Variants in BARHL1 observed in about 807,000 individuals in gnomAD.
BARHL1 encodes BarH like homeobox 1, also known as barH-like 1 homeobox protein.
In BARHL1, 2 loss-of-function variants were observed where a neutral mutation model predicts 20.1. That is an observed-to-expected ratio of 0.10 (90% CI 0.04 to 0.31). The LOEUF (loss-of-function observed/expected upper bound fraction) is 0.31, where lower values mean the gene tolerates loss of function less well. BARHL1 is among the 10% of genes least tolerant of loss of function. The pLI is 1.00. For missense variants in BARHL1, 397 were observed against 454.0 expected, an observed-to-expected ratio of 0.87 and a Z score of 1.14; for synonymous variants, 213 against 209.9, an observed-to-expected ratio of 1.01 and a Z score of -0.13.
At chr9:132,583,469 C>T (rs1830097954) in intron 1 of BARHL1, among the ~76,000 whole-genome samples, 1 of 152,170 alleles carries the variant, frequency 6.6e-6, no homozygotes, top group Non-Finnish European at 1.5e-5. Context: ...ACAGTGTGGG[C>T]AGGGGAGGGA....
In BARHL1 at chr9:132,587,190, T is replaced by C; in HGVS notation, c.467-139T>C. Reference sequence around the variant, plus strand: ...TTCCCGGGGCCCCAGAGGTCCCGTCTGAGAGCGGCCCCCGCGAGCTTGGGT... The same window carrying C: ...TTCCCGGGGCCCCAGAGGTCCCGTCCGAGAGCGGCCCCCGCGAGCTTGGGT... On this transcript the variant is annotated intron_variant, in intron 1 of 2. Transcript: ENST00000263610. The surrounding 1 kb of genome is among the most constrained non-coding windows in gnomAD (Gnocchi z 5.5). 1.2e-6 allele frequency: 1 copy of C among 844,998 alleles called. No individual in the cohort carries two copies. Among genetic ancestry groups the C allele is most frequent in the Non-Finnish European group, 1.8e-6 (1 of 545,106 alleles). 52.3% of individuals were successfully genotyped at this position (844,998 alleles called of 1,614,324 possible).
chr9:132,582,723 T>TAGGGGA lies in BARHL1; in HGVS notation c.-70_-69insAAGGGG. The TAGGGGA allele has an allele frequency of 7.5e-7, 1 of 1,337,386 alleles. No homozygotes were observed. Among genetic ancestry groups the TAGGGGA allele is most frequent in the Non-Finnish European group, 1.0e-6 (1 of 982,478 alleles). 82.8% of individuals were successfully genotyped at this position (1,337,386 alleles called of 1,614,324 possible). A position where few individuals can be genotyped will look rare whatever the true frequency, so the allele number is the denominator to read the frequency against. ...CGCCTTCCCCATGCCAGCCCGCAGCTAGGGGCAGGGGCAGCGGCGGCTGGG... is the reference window on the plus strand; with the variant it reads ...CGCCTTCCCCATGCCAGCCCGCAGCTAGGGGAAGGGGCAGGGGCAGCGGCGGCTGGG... On this transcript the variant is annotated 5_prime_UTR_variant, in exon 1 of 3. Coordinates refer to ENST00000263610, the MANE Select transcript of BARHL1 (RefSeq NM_020064.4).
At chr9:132,584,509 T>C (rs525193) in intron 1 of BARHL1, among the ~76,000 whole-genome samples, 113,115 of 145,394 alleles carry the variant, frequency 0.78, 44,226 homozygotes, top group East Asian at 0.91. Context: ...AGCGCCATAC[T>C]TCCTGGTCCC....
At chr9:132,588,335 G>A (rs1278955744) in intron 2 of BARHL1, among the ~76,000 whole-genome samples, 1 of 152,074 alleles carries the variant, frequency 6.6e-6, no homozygotes, top group Non-Finnish European at 1.5e-5. Context: ...AGGCAGGAAT[G>A]GTGCTTTTCA....
At chr9:132,588,752 G>A (rs1368874646) in intron 2 of BARHL1, among the ~76,000 whole-genome samples, 2 of 152,074 alleles carry the variant, frequency 1.3e-5, no homozygotes, top group African/African-American at 2.4e-5. Flanking sequence ...CTTGCAGCCC[G>A]GCCAGCCTGC....
chr9:132,584,219 CCA>C (rs1182742119), intron 1 of BARHL1, among the ~76,000 whole-genome samples: 3 of 152,074 alleles, frequency 2.0e-5, no homozygotes, highest in South Asian at 4.2e-4. Flanking sequence ...TTTCTGACCC[CCA>C]GTCACTACCT....
chr9:132,583,947 A>G (rs1000948764), intron 1 of BARHL1, among the ~76,000 whole-genome samples: 5 of 151,916 alleles, frequency 3.3e-5, no homozygotes, highest in Non-Finnish European at 4.4e-5. Flanking sequence ...TGAGCAACCA[A>G]CTCCGGGTTT....
chr9:132,584,012 G>A (rs1759026607), intron 1 of BARHL1, among the ~76,000 whole-genome samples: 1 of 152,270 alleles, frequency 6.6e-6, no homozygotes, highest in Admixed American at 6.5e-5. Context: ...CTACACTGGG[G>A]TTGTTGCCCC....
At chr9:132,589,205 T>C (rs1830179714) in intron 2 of BARHL1, 23 bp from the exon 3 acceptor site, 1 of 1,597,192 alleles carries the variant, frequency 6.3e-7, no homozygotes, top group Non-Finnish European at 8.5e-7. Flanking sequence ...GATCCCGCCA[T>C]ACGCGTTTAT....
chr9:132,586,003 C>T (rs1038831820), intron 1 of BARHL1, among the ~76,000 whole-genome samples: 2 of 152,236 alleles, frequency 1.3e-5, no homozygotes, highest in African/African-American at 4.8e-5. Context: ...CTTCTCCATG[C>T]CCAAATATGG....
chr9:132,583,361 G>T (rs1830096366), intron 1 of BARHL1, 98 bp downstream of exon 1: 2 of 1,121,296 alleles, frequency 1.8e-6, no homozygotes, highest in East Asian at 5.2e-5. Context: ...TCGCTCACCT[G>T]GGGGCTCCCC....
At position 132,587,842 on chromosome 9, in the gene BARHL1, G is replaced by C. The variant is rs903289039; in HGVS notation, c.689+291G>C. Among the ~76,000 whole-genome samples the C allele has an allele frequency of 2.0e-5, 3 of 152,192 alleles. No homozygotes were observed. The highest frequency in any genetic ancestry group is 4.4e-5 in the Non-Finnish European group (3 of 68,040). On this transcript the variant is annotated intron_variant, in intron 2 of 2. Transcript: ENST00000263610. The surrounding 1 kb of genome is among the most constrained non-coding windows in gnomAD (Gnocchi z 5.5). Reference sequence around the variant, plus strand: ...ATCCAAGTCCTGCCCCAGCTCAGCCGGAGTGGGGGGAGGTCTGCCTGGAGC... The same window carrying C: ...ATCCAAGTCCTGCCCCAGCTCAGCCCGAGTGGGGGGAGGTCTGCCTGGAGC...
intron 1 of BARHL1, among the ~76,000 whole-genome samples, chr9:132,585,980 T>G (rs1405368117): frequency 6.6e-6 from 1 of 152,252 alleles, no homozygotes; most frequent in Non-Finnish European, 1.5e-5. Flanking sequence ...GTCCCCCTAT[T>G]CCAACACATA....
At chr9:132,586,445 GA>G (rs1399855874) in intron 1 of BARHL1, among the ~76,000 whole-genome samples, 1 of 152,242 alleles carries the variant, frequency 6.6e-6, no homozygotes, top group African/African-American at 2.4e-5. Flanking sequence ...AAAGCCGAAC[GA>G]AAGTGTCTGG....
chr9:132,584,692 C>T (rs1830119593), intron 1 of BARHL1, among the ~76,000 whole-genome samples: 1 of 152,206 alleles, frequency 6.6e-6, no homozygotes, highest in Admixed American at 6.5e-5. Context: ...TTCAGCCAGG[C>T]TGTGCCGACC....
chr9:132,588,177 A>T (rs575663898), intron 2 of BARHL1, among the ~76,000 whole-genome samples: 10 of 152,160 alleles, frequency 6.6e-5, no homozygotes, highest in African/African-American at 2.4e-4. Context: ...TCCCGAACAC[A>T]CTCACCAGAC....
chr9:132,587,568 G>T lies in BARHL1; in HGVS notation c.689+17G>T. On this transcript the variant is annotated intron_variant, in intron 2 of 2. Transcript: ENST00000263610. The surrounding 1 kb of genome is among the most constrained non-coding windows in gnomAD (Gnocchi z 5.5). ...GAACCGCAGGTGAGGCCTGGCTGCG[G>T]GGGTAGAGGCAGAAAGGGAACTTCC... 1 of 1,594,690 alleles carries T rather than the reference G, an allele frequency of 6.3e-7. No individual in the cohort carries two copies. The highest frequency in any genetic ancestry group is 1.7e-5 in the Admixed American group (1 of 57,634).
intron 1 of BARHL1, among the ~76,000 whole-genome samples, chr9:132,586,130 C>T (rs556148760): frequency 6.6e-6 from 1 of 152,346 alleles, no homozygotes; most frequent in South Asian, 2.1e-4. Context: ...ATGCCAGGCC[C>T]TCCTTGCAGC....
chr9:132,583,022 C>A lies in BARHL1; in HGVS notation c.225C>A (p.Asp75Glu), dbSNP rs1001213219. 1 of 1,613,814 alleles carries A rather than the reference C, an allele frequency of 6.2e-7. No individual in the cohort carries two copies. Among genetic ancestry groups the A allele is most frequent in the Non-Finnish European group, 8.5e-7 (1 of 1,179,958 alleles). ...GCGGGGCATCCGGCCCAGGTTTGGA[C>A]TCCCACCTGCAGCCCGGGCAGCTCT... ...RPGGASGPGL[D>E]SHLQPGQLSA... The change falls in exon 1 of 3, where the codon GAC (aspartate) becomes GAA (glutamate). Residue 75 changes from aspartate to glutamate, a missense_variant. Physicochemically the swap from Asp to Glu is conservative, Grantham distance 45. Transcript: ENST00000263610.
Sources: gnomAD v4.1 joint callset for allele counts (sites outside exome capture counted in the v4.1 genomes callset) on GRCh38, gnomAD v4.1.1 for gene constraint, Gnocchi (gnomAD v3.1) non-coding constraint, MANE v1.5 for transcripts, NCBI Gene and HGNC (gene_info 2026-07-23, HGNC 2026-07-21) for gene names.